Variants in TFPT observed in about 807,000 individuals in gnomAD.
TFPT encodes the protein INO80 complex subunit F.
In TFPT, 27 loss-of-function variants were observed where a neutral mutation model predicts 28.8. The observed-to-expected ratio is 0.94, with a 90% CI of 0.69 to 1.29. The LOEUF is 1.29. TFPT is among the 50% of genes most tolerant of loss of function. TFPT has a pLI of 0.00. For synonymous variants in TFPT, 152 were observed against 142.8 expected, an observed-to-expected ratio of 1.06 and a Z score of -0.46; for missense variants, 330 against 338.0, an observed-to-expected ratio of 0.98 and a Z score of 0.19.
chr19:54,110,205 A>C, intron 2 of TFPT, 84 bp from the exon 3 acceptor site: 1 of 1,441,092 alleles, frequency 6.9e-7, no homozygotes, highest in South Asian at 1.2e-5. Context: ...CACGCACTAA[A>C]CTCTGGAGAC....
rs1291143443 is a variant in TFPT, at chr19:54,108,148, C to T, written c.520G>A (p.Ala174Thr). ...GCTGGGCTGCCGGGTTCTGGGGGTG[C>T]AGGAGTCCTTCTGGGCGGGGACAGT... is the stretch of plus-strand genomic sequence containing the variant. ...ETLSPPRRTP[A>T]PPEPGSPAPG... Residue 174 changes from alanine (A) to threonine (T), a missense_variant, in exon 5 of 6, where the codon GCA (alanine) becomes ACA (threonine). By Grantham distance (58) the Ala-to-Thr change is moderately conservative. Transcript: ENST00000391759. The T allele has an allele frequency of 6.3e-7, 1 of 1,587,610 alleles. No individual in the cohort carries two copies. The highest frequency in any genetic ancestry group is 8.6e-7 in the Non-Finnish European group (1 of 1,164,794).
Position 54,115,370 on chromosome 19 carries a change from C to G in TFPT, c.-101G>C, listed in dbSNP as rs923490943. ...TACTTGTCCCATCAGGCTCAGCAGC[C>G]GAGGACGGCGGGACGTGGCCCTAGG... On this transcript the variant is annotated 5_prime_UTR_variant, in exon 1 of 6. Coordinates refer to ENST00000391759, the MANE Select transcript of TFPT (RefSeq NM_013342.4). 2 of 1,568,912 alleles carry G rather than the reference C, an allele frequency of 1.3e-6. No individual in the cohort carries two copies. Among genetic ancestry groups the G allele is most frequent in the Non-Finnish European group, 1.7e-6 (2 of 1,144,522 alleles).
chr19:54,111,895 G>A (rs1314165360), intron 2 of TFPT, among the ~76,000 whole-genome samples: 1 of 151,974 alleles, frequency 6.6e-6, no homozygotes, highest in Non-Finnish European at 1.5e-5. Flanking sequence ...CAGGAGAATC[G>A]CTTGAACCCA....
rs756140239 is a variant in TFPT at position 54,107,142 on chromosome 19, C to A, written c.670G>T (p.Glu224Ter). The A allele has an allele frequency of 6.2e-7, 1 of 1,613,962 alleles. No homozygotes were observed. Among genetic ancestry groups the A allele is most frequent in the South Asian group, 1.1e-5 (1 of 91,076 alleles). ...CTGGAATCCAGGGCCTCATCTGCTT[C>A]AAAGCCAAAGTCTTCCTCAACCTTA... Reference protein sequence around the residue: ...QIKVEEDFGFEADEALDSSWV... With the variant: ...QIKVEEDFGF Residue 224 changes from glutamate to a stop codon, truncating the protein, a stop_gained, in exon 6 of 6, where the codon GAA (glutamate) becomes TAA (stop). Coordinates refer to ENST00000391759, the MANE Select transcript of TFPT (RefSeq NM_013342.4). LOFTEE classifies it high-confidence loss of function.
chr19:54,112,766 G>A (rs1230282395), intron 2 of TFPT, among the ~76,000 whole-genome samples: 1 of 151,952 alleles, frequency 6.6e-6, no homozygotes, highest in Non-Finnish European at 1.5e-5. Context: ...TCCAGCTTTG[G>A]TGACAAAGTG....
At chr19:54,108,272 A>G (rs1473378565) in intron 4 of TFPT, 28 bp from the exon 5 acceptor site, 2 of 1,575,228 alleles carry the variant, frequency 1.3e-6, no homozygotes, top group African/African-American at 2.7e-5. Flanking sequence ...GAGGTAGGTG[A>G]TGGGTGGGTC....
chr19:54,109,540 G>A (rs1484789890), intron 3 of TFPT, among the ~76,000 whole-genome samples: 2 of 152,066 alleles, frequency 1.3e-5, no homozygotes, highest in Non-Finnish European at 2.9e-5. Flanking sequence ...GCGAGTGGCA[G>A]GGGCAGCAGC....
chr19:54,109,956 AGGGTT>A, intron 3 of TFPT, 90 bp downstream of exon 3: 1 of 1,137,816 alleles, frequency 8.8e-7, no homozygotes, highest in African/African-American at 1.7e-5. Context: ...GTGGCTTGTG[AGGGTT>A]GGGTGGATGT....
rs769591725 is a variant in TFPT at position 54,108,159 on chromosome 19, C to T, written c.509G>A (p.Arg170Lys). The T allele has an allele frequency of 7.5e-6, 12 of 1,589,594 alleles. No individual in the cohort carries two copies. The highest frequency in any genetic ancestry group is 9.4e-6 in the Non-Finnish European group (11 of 1,165,788). Residue 170 changes from arginine (R) to lysine (K), a missense_variant, in exon 5 of 6, where the codon AGA (arginine) becomes AAA (lysine). Coordinates refer to ENST00000391759, the MANE Select transcript of TFPT (RefSeq NM_013342.4). ...PPEKETLSPP[R>K]RTPAPPEPGS... ...GGGTTCTGGGGGTGCAGGAGTCCTT[C>T]TGGGCGGGGACAGTGTCTCTTTCTC...
At chr19:54,108,304 C>G (rs146742655) in intron 4 of TFPT, 22 bp downstream of exon 4, 1 of 1,587,906 alleles carries the variant, frequency 6.3e-7, no homozygotes, top group Non-Finnish European at 8.6e-7. Flanking sequence ...GTTCCTGACC[C>G]TCCTGGAGGC....
At position 54,114,448 on chromosome 19, in the gene TFPT, G is replaced by T; in HGVS notation, c.276C>A (p.Ile92=). ...YQALGRRCRE[I]EQVNERVLNR... ...GGGATCCGCACTCACCTACCTGCTCGATCTCCCGGCAGCGCCGACCTAGTG... is the reference window on the plus strand; with the variant it reads ...GGGATCCGCACTCACCTACCTGCTCTATCTCCCGGCAGCGCCGACCTAGTG... The change falls in exon 2 of 6, where the codon ATC becomes ATA. Residue 92 remains isoleucine (I), a synonymous_variant. Coordinates refer to ENST00000391759, the MANE Select transcript of TFPT (RefSeq NM_013342.4). 6.2e-7 allele frequency: 1 copy of T among 1,612,708 alleles called. No individual in the cohort carries two copies. The highest frequency in any genetic ancestry group is 8.5e-7 in the Non-Finnish European group (1 of 1,179,450).
chr19:54,107,209 A>C (rs1219820545), intron 5 of TFPT, 40 bp from the exon 6 acceptor site: 2 of 1,584,158 alleles, frequency 1.3e-6, no homozygotes, highest in Admixed American at 1.9e-5. Flanking sequence ...AGGCCTGGGA[A>C]TCTAGAAAAT....
intron 2 of TFPT, among the ~76,000 whole-genome samples, chr19:54,111,548 C>T (rs1263726582): frequency 2.7e-5 from 4 of 150,692 alleles, no homozygotes; most frequent in African/African-American, 4.9e-5. Context: ...GGTATGGTGG[C>T]GCATGCCTGT....
At position 54,114,632 on chromosome 19, in the gene TFPT, A is replaced by G; in HGVS notation, c.92T>C (p.Leu31Pro). 1 of 1,613,906 alleles carries G rather than the reference A, an allele frequency of 6.2e-7. No individual in the cohort carries two copies. Among genetic ancestry groups the G allele is most frequent in the Non-Finnish European group, 8.5e-7 (1 of 1,179,986 alleles). Residue 31 changes from leucine (L) to proline (P), a missense_variant, in exon 2 of 6, where the codon CTA (leucine) becomes CCA (proline). Physicochemically the swap from Leu to Pro is moderately conservative, Grantham distance 98 (BLOSUM62 -3). Transcript: ENST00000391759. ...GCTCTCCAGGATGTGGCCACCAAAT[A>G]GGGGAGGCAACGCCAACTCTGAGCC... is the stretch of plus-strand genomic sequence containing the variant. ...PPGSELALPP[L>P]FGGHILESEL...
Position 54,115,387 on chromosome 19 carries a change from G to C in TFPT, c.-118C>G. 1 of 1,449,416 alleles carries C rather than the reference G, an allele frequency of 6.9e-7. No homozygotes were observed. Among genetic ancestry groups the C allele is most frequent in the Admixed American group, 1.7e-5 (1 of 57,838 alleles). 89.8% of individuals were successfully genotyped at this position (1,449,416 alleles called of 1,614,324 possible). ...TCAGCAGCCGAGGACGGCGGGACGT[G>C]GCCCTAGGCCTTGTGGGAGTTGTAG... On this transcript the variant is annotated 5_prime_UTR_variant, in exon 1 of 6. Transcript: ENST00000391759.
Position 54,114,675 on chromosome 19 carries a change from C to G in TFPT, c.49G>C (p.Glu17Gln). The change falls in exon 2 of 6, where the codon GAG becomes CAG. Residue 17 changes from glutamate (E) to glutamine (Q), a missense_variant. Transcript: ENST00000391759. Reference protein sequence around the residue: ...EGTMAAVGFEEFSAPPGSELA... With the variant: ...EGTMAAVGFEQFSAPPGSELA... ...TCTGAGCCTGGCGGCGCTGAGAACTCCTCAAAGCCCACGGCTGCCATGGTC... is the reference window on the plus strand; with the variant it reads ...TCTGAGCCTGGCGGCGCTGAGAACTGCTCAAAGCCCACGGCTGCCATGGTC... 6.2e-7 allele frequency: 1 copy of G among 1,613,764 alleles called. No individual in the cohort carries two copies. The highest frequency in any genetic ancestry group is 8.5e-7 in the Non-Finnish European group (1 of 1,180,006).
Position 54,114,447 on chromosome 19 carries a change from C to T in TFPT, c.277G>A (p.Glu93Lys). 6.2e-7 allele frequency: 1 copy of T among 1,612,598 alleles called. No homozygotes were observed. The highest frequency in any genetic ancestry group is 8.5e-7 in the Non-Finnish European group (1 of 1,179,382). Residue 93 changes from glutamate (E) to lysine (K), a missense_variant, in exon 2 of 6, where the codon GAG becomes AAG. Coordinates refer to ENST00000391759, the MANE Select transcript of TFPT (RefSeq NM_013342.4). ...QALGRRCREI[E>K]QVNERVLNRL... ...GGGGATCCGCACTCACCTACCTGCT[C>T]GATCTCCCGGCAGCGCCGACCTAGT...
chr19:54,113,351 G>A (rs186149071), intron 2 of TFPT, among the ~76,000 whole-genome samples: 98 of 152,210 alleles, frequency 6.4e-4, no homozygotes, highest in Middle Eastern at 6.8e-3. Flanking sequence ...GGTGATGTTT[G>A]TACGTGCCAA....
chr19:54,114,929 AC>A, intron 1 of TFPT: 1 of 684,022 alleles, frequency 1.5e-6, no homozygotes, highest in East Asian at 2.8e-5. Context: ...TCAAGCCCTG[AC>A]CCCCTCCTCC....
Sources: allele counts gnomAD v4.1 joint callset (sites outside exome capture counted in the v4.1 genomes callset), GRCh38; gene constraint gnomAD v4.1.1; transcripts MANE v1.5; gene names NCBI Gene and HGNC (gene_info 2026-07-23, HGNC 2026-07-21).